The following PPM1N variants were observed in gnomAD, a reference collection of about 807,000 sequenced individuals.
PPM1N encodes the protein protein phosphatase, Mg2+/Mn2+ dependent 1N (putative), also known as probable protein phosphatase 1N.
In PPM1N, 35 loss-of-function variants were observed where a neutral mutation model predicts 32.6. The observed-to-expected ratio is 1.07, with a 90% CI of 0.82 to 1.43. PPM1N has a LOEUF of 1.43. PPM1N is among the 40% of genes most tolerant of loss of function. The pLI, the probability that PPM1N is intolerant of heterozygous loss-of-function variation, is 0.00. For synonymous variants in PPM1N, 275 were observed against 270.5 expected (o/e 1.02, Z -0.16); for missense variants, 648 against 606.6 (o/e 1.07, Z -0.72).
At position 45,498,593 on chromosome 19, in the gene PPM1N, G is replaced by T; in HGVS notation, c.121G>T (p.Gly41Trp). The T allele has an allele frequency of 6.9e-7, 1 of 1,459,100 alleles. No individual in the cohort carries two copies. The allele number at this position is 1,459,100 out of a possible 1,614,324, so 90.4% of individuals were successfully genotyped here. The change falls in exon 1 of 5, where the codon GGG becomes TGG. Residue 41 changes from glycine (G) to tryptophan (W), a missense_variant. By Grantham distance (184) the Gly-to-Trp change is radical (BLOSUM62 -2). Transcript: ENST00000451287. ...GGAGGCGGGGCGCAGGGCCCCCGAA[G>T]GGCCTCGGTCTCTGTTGACAGCGCC... ...EEEAGRRAPE[G>W]PRSLLTAPRR...
Position 45,498,533 on chromosome 19 carries a change from A to G in PPM1N, c.61A>G (p.Arg21Gly). The G allele has an allele frequency of 1.4e-6, 2 of 1,425,386 alleles. No individual in the cohort carries two copies. The highest frequency in any genetic ancestry group is 1.5e-5 in the South Asian group (1 of 65,842). The allele number at this position is 1,425,386 out of a possible 1,614,324, so 88.3% of individuals were successfully genotyped here. ...CTGGACCGCTTGCAAGAAAAAGGAG[A>G]GGGAGAAGGAGGGGAGGGAGGAAGA... is the stretch of plus-strand genomic sequence containing the variant. ...LLWTACKKKE[R>G]EKEGREEEEE... The change falls in exon 1 of 5, where the codon AGG becomes GGG. Residue 21 changes from arginine (R) to glycine (G), a missense_variant. Physicochemically the swap from Arg to Gly is moderately radical, Grantham distance 125 (BLOSUM62 -2). Transcript: ENST00000451287.
intron 1 of PPM1N, 66 bp downstream of exon 1, chr19:45,499,477 T>G (rs373651511): frequency 8.1e-6 from 13 of 1,597,226 alleles, no homozygotes; most frequent in Non-Finnish European, 1.0e-5. Context: ...CTCGGGGTTT[T>G]GGGGAGGAGG....
At chr19:45,500,753 G>GGGCCCC in intron 4 of PPM1N, 43 bp downstream of exon 4, 2 of 1,478,560 alleles carry the variant, frequency 1.4e-6, no homozygotes, top group South Asian at 1.2e-5. Context: ...AGGAGGGGAC[G>GGGCCCC]CCCCCCCGCC....
chr19:45,499,538 A>C, intron 1 of PPM1N, 127 bp downstream of exon 1: 1 of 1,552,112 alleles, frequency 6.4e-7, no homozygotes, highest in Non-Finnish European at 8.7e-7. Flanking sequence ...GATAGGACTC[A>C]AGCGAAGGGC....
rs746845266 is a variant in PPM1N at position 45,498,745 on chromosome 19, T to G, written c.273T>G (p.Gly91=). The G allele has an allele frequency of 6.4e-7, 1 of 1,556,066 alleles. No individual in the cohort carries two copies. Among genetic ancestry groups the G allele is most frequent in the Non-Finnish European group, 8.7e-7 (1 of 1,155,372 alleles). The change falls in exon 1 of 5, where the codon GGT becomes GGG. Residue 91 remains glycine, a synonymous_variant. Coordinates refer to ENST00000451287, the MANE Select transcript of PPM1N (RefSeq NM_001080401.2). The part of the protein sequence containing the change: ...DAHCTWLSLP[G]LPPGWALFAV... ...ACTGCACTTGGCTTTCGTTACCTGG[T>G]CTGCCCCCGGGCTGGGCCTTGTTTG...
Position 45,502,141 on chromosome 19 carries a change from A to C in PPM1N, c.*56A>C. The C allele has an allele frequency of 7.2e-7, 1 of 1,382,176 alleles. No homozygotes were observed. The highest frequency in any genetic ancestry group is 1.0e-6 in the Non-Finnish European group (1 of 983,324). 85.6% of individuals were successfully genotyped at this position (1,382,176 alleles called of 1,614,324 possible). On this transcript the variant is annotated 3_prime_UTR_variant, in exon 5 of 5. Coordinates refer to ENST00000451287, the MANE Select transcript of PPM1N (RefSeq NM_001080401.2). ...CTCTGGGGCCTCAACAGAACTAAAG[A>C]AGAAAACCGACCCTTTCCCCAACTA... is the stretch of plus-strand genomic sequence containing the variant.
At chr19:45,500,742 T>G in intron 4 of PPM1N, 32 bp downstream of exon 4, 2 of 1,553,956 alleles carry the variant, frequency 1.3e-6, no homozygotes, top group South Asian at 2.4e-5. Context: ...GTGTTTCTCT[T>G]AGGAGGGGAC....
rs1235846913 is a variant in PPM1N at position 45,498,623 on chromosome 19, C to T, written c.151C>T (p.Arg51Cys). The T allele has an allele frequency of 4.9e-6, 7 of 1,416,400 alleles. No homozygotes were observed. The East Asian group carries it at 1.8e-4, about 36-fold the overall frequency. The allele number at this position is 1,416,400 out of a possible 1,614,324, so 87.7% of individuals were successfully genotyped here. A position where few individuals can be genotyped will look rare whatever the true frequency, so the allele number is the denominator to read the frequency against. The change falls in exon 1 of 5, where the codon CGC (arginine) becomes TGC (cysteine). Residue 51 changes from arginine (R) to cysteine (C), a missense_variant. By Grantham distance (180) the Arg-to-Cys change is radical. Coordinates refer to ENST00000451287, the MANE Select transcript of PPM1N (RefSeq NM_001080401.2). ...TCGGTCTCTGTTGACAGCGCCGCGC[C>T]GCGCCCAGCGGCCGCACGGGGGTGC... ...GPRSLLTAPRRAQRPHGGAEA... is the reference protein window; with the variant it reads ...GPRSLLTAPRCAQRPHGGAEA...
At position 45,499,978 on chromosome 19, in the gene PPM1N, G is replaced by T; in HGVS notation, c.969G>T (p.Leu323=). Residue 323 remains leucine (L), a synonymous_variant, in exon 2 of 5, where the codon CTG becomes CTT. Coordinates refer to ENST00000451287, the MANE Select transcript of PPM1N (RefSeq NM_001080401.2). ...GCCTGGACAACATGACCTGCATCCT[G>T]GTCTGCTTCCCTGGGGCCCCTAGGC... ...KGSLDNMTCI[L]VCFPGAPRPS... is the part of the protein sequence containing the mutation. The T allele has an allele frequency of 1.3e-6, 2 of 1,599,246 alleles. No individual in the cohort carries two copies. Among genetic ancestry groups the T allele is most frequent in the Non-Finnish European group, 1.7e-6 (2 of 1,172,500 alleles).
At chr19:45,501,910 T>G (rs1368351046) in intron 4 of PPM1N, 107 bp from the exon 5 acceptor site, 2 of 741,080 alleles carry the variant, frequency 2.7e-6, no homozygotes, top group East Asian at 6.4e-5. Flanking sequence ...CATTCAAACC[T>G]TAATGGATTG....
At chr19:45,500,321 G>C (rs933122960) in intron 2 of PPM1N, 135 bp from the exon 3 acceptor site, 1 of 838,086 alleles carries the variant, frequency 1.2e-6, no homozygotes, top group Non-Finnish European at 1.9e-6. Context: ...TGTTAGTATA[G>C]ACGGGGTTTC....
Position 45,502,119 on chromosome 19 carries a change from TG to T in PPM1N, c.*38del. The T allele has an allele frequency of 1.3e-6, 2 of 1,534,598 alleles. No homozygotes were observed. The highest frequency in any genetic ancestry group is 1.8e-6 in the Non-Finnish European group (2 of 1,119,418). Reference sequence around the variant, plus strand: ...GTCCTTTGGGGATCCTTTGCTTCTCTGGGGCCTCAACAGAACTAAAGAAGAA... The same window carrying T: ...GTCCTTTGGGGATCCTTTGCTTCTCTGGGCCTCAACAGAACTAAAGAAGAA... On this transcript the variant is annotated 3_prime_UTR_variant, in exon 5 of 5. Transcript: ENST00000451287.
rs781551606 is a variant in PPM1N at position 45,499,141 on chromosome 19, C to G, written c.669C>G (p.Val223=). The change falls in exon 1 of 5, where the codon GTC becomes GTG. Residue 223 remains valine, a synonymous_variant. Transcript: ENST00000451287. The stretch of plus-strand genomic sequence containing the variant: ...GCGGCACCATCCGCCGCCGCCGCGT[C>G]GAGGGCTCTCTGGCCGTGTCGCGAG... The part of the protein sequence containing the change: ...AAGGTIRRRR[V]EGSLAVSRAL... The G allele has an allele frequency of 2.6e-6, 4 of 1,520,500 alleles. No individual in the cohort carries two copies. The highest frequency in any genetic ancestry group is 3.5e-6 in the Non-Finnish European group (4 of 1,143,380). 94.2% of individuals were successfully genotyped at this position (1,520,500 alleles called of 1,614,324 possible).
rs1174173304 is a variant in PPM1N, at chr19:45,500,046, C to A, written c.1037C>A (p.Ala346Asp). The A allele has an allele frequency of 6.3e-7, 1 of 1,596,184 alleles. No individual in the cohort carries two copies. Among genetic ancestry groups the A allele is most frequent in the Non-Finnish European group, 8.5e-7 (1 of 1,170,494 alleles). The part of the protein sequence containing the change: ...AIRRELALDA[A>D]LGCRIAELCA... ...AGGAGGGAGCTAGCACTGGACGCAG[C>A]CCTGGGCTGCAGAATCGCTGGTGAG... Residue 346 changes from alanine (A) to aspartate (D), a missense_variant, in exon 2 of 5, where the codon GCC (alanine) becomes GAC (aspartate). Coordinates refer to ENST00000451287, the MANE Select transcript of PPM1N (RefSeq NM_001080401.2).
chr19:45,498,663 G>A lies in PPM1N; in HGVS notation c.191G>A (p.Gly64Asp). 3 of 1,434,994 alleles carry A rather than the reference G, an allele frequency of 2.1e-6. No homozygotes were observed. Among genetic ancestry groups the A allele is most frequent in the Non-Finnish European group, 2.7e-6 (3 of 1,097,048 alleles). The allele number at this position is 1,434,994 out of a possible 1,614,324, so 88.9% of individuals were successfully genotyped here. A position where few individuals can be genotyped will look rare whatever the true frequency, so the allele number is the denominator to read the frequency against. ...CACGGGGGTGCCGAGGCGTCTGGGGGCCTGCGCTTCGGGGCGAGCGCAGCG... is the reference window on the plus strand; with the variant it reads ...CACGGGGGTGCCGAGGCGTCTGGGGACCTGCGCTTCGGGGCGAGCGCAGCG... ...RPHGGAEASG[G>D]LRFGASAAQG... The change falls in exon 1 of 5, where the codon GGC becomes GAC. Residue 64 changes from glycine to aspartate, a missense_variant. By Grantham distance (94) the Gly-to-Asp change is moderately conservative. Coordinates refer to ENST00000451287, the MANE Select transcript of PPM1N (RefSeq NM_001080401.2).
At chr19:45,500,262 G>A (rs1277536848) in intron 2 of PPM1N, among the ~76,000 whole-genome samples, 194 bp from the exon 3 acceptor site, 3 of 152,010 alleles carry the variant, frequency 2.0e-5, no homozygotes, top group East Asian at 3.9e-4. Flanking sequence ...AGCCTCCTGA[G>A]TAGCTGGGAT....
In PPM1N at chr19:45,499,142, G is replaced by T; in HGVS notation, c.670G>T (p.Glu224Ter). The T allele has an allele frequency of 6.6e-7, 1 of 1,520,550 alleles. No homozygotes were observed. The highest frequency in any genetic ancestry group is 8.7e-7 in the Non-Finnish European group (1 of 1,143,400). 94.2% of individuals were successfully genotyped at this position (1,520,550 alleles called of 1,614,324 possible). The change falls in exon 1 of 5, where the codon GAG becomes TAG. Residue 224 changes from glutamate to a stop codon, truncating the protein, a stop_gained. Coordinates refer to ENST00000451287, the MANE Select transcript of PPM1N (RefSeq NM_001080401.2). LOFTEE classifies it high-confidence loss of function. ...CGGCACCATCCGCCGCCGCCGCGTCGAGGGCTCTCTGGCCGTGTCGCGAGC... is the reference window on the plus strand; with the variant it reads ...CGGCACCATCCGCCGCCGCCGCGTCTAGGGCTCTCTGGCCGTGTCGCGAGC... ...AGGTIRRRRV[E>*]GSLAVSRALG... is the part of the protein sequence containing the mutation.
In PPM1N at chr19:45,498,459, C is replaced by T. The variant is rs1968340411; in HGVS notation, c.-14C>T. ...GTGTACAGGGTGGAGCCTTCCTGAT[C>T]CCAGGGCTGAAGGATGGCGGTCCTG... On this transcript the variant is annotated 5_prime_UTR_variant, in exon 1 of 5. Transcript: ENST00000451287. The T allele has an allele frequency of 2.2e-6, 3 of 1,341,720 alleles. No individual in the cohort carries two copies. Among genetic ancestry groups the T allele is most frequent in the Non-Finnish European group, 2.9e-6 (3 of 1,045,566 alleles). 83.1% of individuals were successfully genotyped at this position (1,341,720 alleles called of 1,614,324 possible).
chr19:45,498,945 T>C lies in PPM1N; in HGVS notation c.473T>C (p.Val158Ala). 1 of 1,551,596 alleles carries C rather than the reference T, an allele frequency of 6.4e-7. No individual in the cohort carries two copies. Among genetic ancestry groups the C allele is most frequent in the Non-Finnish European group, 8.6e-7 (1 of 1,157,924 alleles). The change falls in exon 1 of 5, where the codon GTG (valine) becomes GCG (alanine). Residue 158 changes from valine to alanine, a missense_variant. Coordinates refer to ENST00000451287, the MANE Select transcript of PPM1N (RefSeq NM_001080401.2). ...DERLRSLWPR[V>A]ETGGCTAVVL... ...CGCCTGCGCTCCCTCTGGCCCCGCG[T>C]GGAAACGGGCGGCTGCACGGCCGTG...
Sources: gnomAD v4.1 joint callset for allele counts (sites outside exome capture counted in the v4.1 genomes callset) on GRCh38, gnomAD v4.1.1 for gene constraint, MANE v1.5 for transcripts, NCBI Gene and HGNC (gene_info 2026-07-23, HGNC 2026-07-21) for gene names.